The following SHISA9 variants were observed in gnomAD, a reference collection of about 807,000 sequenced individuals.
SHISA9 encodes shisa family member 9, also known as protein shisa-9.
A neutral mutation model predicts 38.0 loss-of-function variants in SHISA9; 13 were observed. That is an observed-to-expected ratio of 0.34 (90% CI 0.22 to 0.54). The LOEUF (loss-of-function observed/expected upper bound fraction) is 0.54. SHISA9 is among the 20% of genes least tolerant of loss of function. The pLI is 0.91. For synonymous variants in SHISA9, 275 were observed against 242.0 expected (o/e 1.14, Z -1.27); for missense variants, 538 against 575.8 (o/e 0.93, Z 0.67).
the SHISA9 span, among the ~76,000 whole-genome samples, chr16:13,550,570 A>T: frequency 1.3e-5 from 2 of 152,178 alleles, no homozygotes; most frequent in Non-Finnish European, 2.9e-5. Flanking sequence ...AATGTAAATG[A>T]AGCAAGATTC....
chr16:13,411,772 G>C, the SHISA9 span, among the ~76,000 whole-genome samples: 1 of 152,232 alleles, frequency 6.6e-6, no homozygotes, highest in Non-Finnish European at 1.5e-5. Context: ...TTGGAACGTA[G>C]AGAGATGGCT....
the SHISA9 span, among the ~76,000 whole-genome samples, chr16:13,397,033 C>T: frequency 6.6e-6 from 1 of 151,644 alleles, no homozygotes; most frequent in Non-Finnish European, 1.5e-5. Context: ...GGACGAAGAC[C>T]TTTATGATGA....
the SHISA9 span, among the ~76,000 whole-genome samples, chr16:13,455,451 G>T: frequency 6.6e-6 from 1 of 152,110 alleles, no homozygotes; most frequent in Non-Finnish European, 1.5e-5. Context: ...CCAGTAAAAA[G>T]GAGTCCAAAG....
the SHISA9 span, among the ~76,000 whole-genome samples, chr16:13,437,903 T>A: frequency 6.6e-6 from 1 of 150,692 alleles, no homozygotes; most frequent in Non-Finnish European, 1.5e-5. Context: ...TTCACTGTTT[T>A]TGCCCAGGCT....
intron 2 of SHISA9, among the ~76,000 whole-genome samples, chr16:12,927,763 C>T (rs1002857936): frequency 1.3e-5 from 2 of 151,942 alleles, no homozygotes; most frequent in Non-Finnish European, 1.5e-5. Flanking sequence ...TGGGCTCCCA[C>T]CCCCCATAGA....
the SHISA9 span, among the ~76,000 whole-genome samples, chr16:13,287,709 T>C: frequency 5.9e-5 from 9 of 152,104 alleles, no homozygotes; most frequent in Non-Finnish European, 4.4e-5. Context: ...ATGTAGAGCA[T>C]AGACTGGATC....
chr16:13,520,045 TCCAGGG>T, the SHISA9 span, among the ~76,000 whole-genome samples: 1 of 151,864 alleles, frequency 6.6e-6, no homozygotes. Flanking sequence ...GCCCAGAAAC[TCCAGGG>T]CCATGAGAAC....
chr16:13,380,931 G>C, the SHISA9 span, among the ~76,000 whole-genome samples: 1 of 147,506 alleles, frequency 6.8e-6, no homozygotes, highest in Non-Finnish European at 1.5e-5. Flanking sequence ...TTGGTTTTCT[G>C]ATCTTGTGAT....
chr16:13,213,669 C>G (rs987194465), intron 4 of SHISA9, among the ~76,000 whole-genome samples: 1 of 152,146 alleles, frequency 6.6e-6, no homozygotes, highest in African/African-American at 2.4e-5. Flanking sequence ...AAGAACACAG[C>G]TTCTGAGGGA....
chr16:13,517,367 T>C, the SHISA9 span, among the ~76,000 whole-genome samples: 7 of 152,210 alleles, frequency 4.6e-5, no homozygotes, highest in African/African-American at 1.7e-4. Context: ...GCCATCCAAT[T>C]TGTGGTGATT....
At chr16:13,166,624 T>C (rs776739820) in intron 2 of SHISA9, among the ~76,000 whole-genome samples, 27 of 152,338 alleles carry the variant, frequency 1.8e-4, no homozygotes, top group Admixed American at 3.3e-4. Context: ...GTCACCACCA[T>C]GAGGGCAGGC....
chr16:13,396,477 A>T, the SHISA9 span, among the ~76,000 whole-genome samples: 36 of 152,332 alleles, frequency 2.4e-4, no homozygotes, highest in African/African-American at 7.9e-4. Flanking sequence ...ATGGTGAGAC[A>T]GTGTCCTCCA....
chr16:13,099,069 T>C (rs900174480), intron 2 of SHISA9, among the ~76,000 whole-genome samples: 3 of 152,386 alleles, frequency 2.0e-5, no homozygotes, highest in African/African-American at 7.2e-5. Context: ...TGGCAAGCTA[T>C]GGCCTTCAGG....
chr16:13,036,863 T>C (rs1362463512), intron 2 of SHISA9, among the ~76,000 whole-genome samples: 1 of 152,012 alleles, frequency 6.6e-6, no homozygotes, highest in Non-Finnish European at 1.5e-5. Flanking sequence ...CTCACTCAAA[T>C]GCAGCTCAAA....
At chr16:13,533,094 C>A in the SHISA9 span, among the ~76,000 whole-genome samples, 2 of 152,182 alleles carry the variant, frequency 1.3e-5, no homozygotes, top group African/African-American at 4.8e-5. Flanking sequence ...CCTTGTGAGG[C>A]CCCTTCATCT....
At chr16:13,529,452 C>G in the SHISA9 span, among the ~76,000 whole-genome samples, 2 of 152,220 alleles carry the variant, frequency 1.3e-5, no homozygotes, top group African/African-American at 4.8e-5. Flanking sequence ...CTGTAAATCT[C>G]CACTTCAAGA....
the SHISA9 span, among the ~76,000 whole-genome samples, chr16:13,422,382 T>C: frequency 1.2e-4 from 19 of 152,164 alleles, no homozygotes; most frequent in Non-Finnish European, 2.2e-4. Context: ...GAAAACTACA[T>C]TGGCACTGAC....
chr16:13,394,539 T>C, the SHISA9 span, among the ~76,000 whole-genome samples: 1 of 152,194 alleles, frequency 6.6e-6, no homozygotes, highest in South Asian at 2.1e-4. Flanking sequence ...ACACATTCTC[T>C]TCCTCCATCC....
At chr16:13,523,654 A>C in the SHISA9 span, among the ~76,000 whole-genome samples, 2 of 152,160 alleles carry the variant, frequency 1.3e-5, no homozygotes, top group East Asian at 3.9e-4. Context: ...GAACGATCAG[A>C]TCTCACAAGA....
Sources: allele counts gnomAD v4.1 joint callset (sites outside exome capture counted in the v4.1 genomes callset), GRCh38; gene constraint gnomAD v4.1.1; transcripts MANE v1.5; gene names NCBI Gene and HGNC (gene_info 2026-07-23, HGNC 2026-07-21).